Variants in NOMO1 observed in about 807,000 individuals in gnomAD.
NOMO1 encodes nodal modulator 3.
NOMO1 carries 40 observed loss-of-function variants against 133.8 expected under a neutral mutation model. That is an observed-to-expected ratio of 0.30 (90% CI 0.23 to 0.39). The LOEUF (loss-of-function observed/expected upper bound fraction) is 0.39. Among genes scored for constraint, NOMO1 ranks in the 10% least tolerant of loss-of-function variants. The pLI, the probability that NOMO1 is intolerant of heterozygous loss-of-function variation, is 1.00. For synonymous variants in NOMO1, 236 were observed against 570.5 expected, an observed-to-expected ratio of 0.41 and a Z score of 8.36; for missense variants, 462 against 1,419.9, an observed-to-expected ratio of 0.33 and a Z score of 10.84.
At chr16:14,880,412 A>G (rs1396562604) in intron 24 of NOMO1, among the ~76,000 whole-genome samples, 6 of 151,634 alleles carry the variant, frequency 4.0e-5, no homozygotes, top group Admixed American at 3.3e-4. Context: ...ATTTTTTGAG[A>G]CGGGGTTTCA....
chr16:14,837,454 G>A (rs1227685424), intron 1 of NOMO1, among the ~76,000 whole-genome samples: 1 of 152,126 alleles, frequency 6.6e-6, no homozygotes, highest in Non-Finnish European at 1.5e-5. Context: ...CACGCAACAC[G>A]TGGAAGACTC....
chr16:14,868,406 G>C (rs1481313745), intron 15 of NOMO1, 142 bp from the exon 16 acceptor site: 2 of 594,808 alleles, frequency 3.4e-6, no homozygotes, highest in East Asian at 5.6e-5. Context: ...AGTTTTGGGA[G>C]GTTTTTAATT....
chr16:14,841,736 G>T (rs548749008), intron 3 of NOMO1, among the ~76,000 whole-genome samples: 1 of 151,868 alleles, frequency 6.6e-6, no homozygotes, highest in South Asian at 2.1e-4. Context: ...TCCCAGGATG[G>T]CTTCTTTTTT....
intron 18 of NOMO1, among the ~76,000 whole-genome samples, chr16:14,874,060 C>T (rs1241912683): frequency 2.3e-5 from 1 of 44,242 alleles, no homozygotes; most frequent in Admixed American, 3.6e-4. Flanking sequence ...TAGCAGCTTC[C>T]CAGCTGGGCT....
intron 9 of NOMO1, among the ~76,000 whole-genome samples, chr16:14,855,472 A>G (rs973085164): frequency 6.6e-6 from 1 of 151,808 alleles, no homozygotes; most frequent in African/African-American, 2.4e-5. Context: ...ACTTTCTTTT[A>G]ATATTACATT....
At chr16:14,867,213 A>T (rs1964016581) in intron 15 of NOMO1, among the ~76,000 whole-genome samples, 3 of 33,770 alleles carry the variant, frequency 8.9e-5, no homozygotes, top group Non-Finnish European at 1.8e-4. Flanking sequence ...TTTGAGATGG[A>T]GTCTTGCTCT....
intron 2 of NOMO1, among the ~76,000 whole-genome samples, chr16:14,839,972 T>C (rs2151892101): frequency 6.9e-6 from 1 of 144,436 alleles, no homozygotes; most frequent in African/African-American, 2.6e-5. Context: ...TTTGAACTCC[T>C]GACCTCAGGT....
chr16:14,858,513 A>G (rs1474317874), intron 11 of NOMO1, among the ~76,000 whole-genome samples: 8 of 151,622 alleles, frequency 5.3e-5, no homozygotes, highest in Non-Finnish European at 1.2e-4. Context: ...GTAGCTTAGA[A>G]GGAGACTGCA....
At chr16:14,861,152 T>TA (rs1249941636) in intron 11 of NOMO1, among the ~76,000 whole-genome samples, 1 of 138,014 alleles carries the variant, frequency 7.2e-6, no homozygotes, top group African/African-American at 2.8e-5. Flanking sequence ...TAAAGTAAAA[T>TA]AAAAAAATTA....
intron 4 of NOMO1, among the ~76,000 whole-genome samples, 158 bp downstream of exon 4, chr16:14,844,932 G>A (rs1016387818): frequency 8.5e-5 from 13 of 152,054 alleles, no homozygotes; most frequent in African/African-American, 2.7e-4. Flanking sequence ...TACTTCATCC[G>A]TGTAGAACGC....
chr16:14,839,844 T>C (rs1240123241), intron 2 of NOMO1, among the ~76,000 whole-genome samples: 1 of 150,612 alleles, frequency 6.6e-6, no homozygotes, highest in East Asian at 2.0e-4. Context: ...TGGGTTCCAG[T>C]GATTCTTCTG....
At chr16:14,845,394 C>T (rs1963664786) in intron 4 of NOMO1, among the ~76,000 whole-genome samples, 1 of 151,962 alleles carries the variant, frequency 6.6e-6, no homozygotes, top group African/African-American at 2.4e-5. Flanking sequence ...TGGAAGGACG[C>T]ACTCTCTAAG....
At position 14,875,091 on chromosome 16, in the gene NOMO1, G is replaced by A. The variant is rs1170487415; in HGVS notation, c.2110G>A (p.Glu704Lys). 1.9e-6 allele frequency: 3 copies of A among 1,613,784 alleles called. No homozygotes were observed. Among genetic ancestry groups the A allele is most frequent in the Non-Finnish European group, 2.5e-6 (3 of 1,179,810 alleles). The change falls in exon 19 of 31, where the codon GAG becomes AAG. Residue 704 changes from glutamate to lysine, a missense_variant. Glu to Lys is a moderately conservative substitution (Grantham distance 56). Transcript: ENST00000287667. ...CTTAGGCCCTCTGAAGTCTGTGCAG[G>A]AGCTGCGGAGGGAGCAGCAGCTGGC... Reference protein sequence around the residue: ...LVLGPLKSVQELRREQQLAEI... With the variant: ...LVLGPLKSVQKLRREQQLAEI...
rs2151896691 is a variant in NOMO1 at position 14,857,303 on chromosome 16, C to G, written c.1050C>G (p.Thr350=). The stretch of plus-strand genomic sequence containing the variant: ...ATGGTGTTCCAGAAGCAGTAGTCAC[C>G]CTGAATAACCAAATCAAAGGTGGGC... ...EGDGVPEAVV[T]LNNQIKVKTK... The change falls in exon 10 of 31, where the codon ACC becomes ACG. Residue 350 remains threonine (T), a synonymous_variant. Coordinates refer to ENST00000287667, the MANE Select transcript of NOMO1 (RefSeq NM_014287.4). 6.3e-7 allele frequency: 1 copy of G among 1,591,930 alleles called. No individual in the cohort carries two copies. Among genetic ancestry groups the G allele is most frequent in the South Asian group, 1.1e-5 (1 of 90,288 alleles).
chr16:14,857,126 G>A (rs1192399322), intron 9 of NOMO1, 91 bp from the exon 10 acceptor site: 32 of 1,573,362 alleles, frequency 2.0e-5, no homozygotes, highest in Non-Finnish European at 2.7e-5. Flanking sequence ...GAGCAGACAT[G>A]GTAGGTGGTG....
chr16:14,864,766 G>C, intron 13 of NOMO1, 40 bp downstream of exon 13: 1 of 1,613,590 alleles, frequency 6.2e-7, no homozygotes, highest in Non-Finnish European at 8.5e-7. Context: ...TAGTTTCAAA[G>C]AAGTCAGCCG....
intron 15 of NOMO1, among the ~76,000 whole-genome samples, chr16:14,867,856 G>C (rs1161568527): frequency 2.1e-5 from 3 of 142,974 alleles, no homozygotes; most frequent in African/African-American, 7.6e-5. Flanking sequence ...TTCCCTTCCA[G>C]CAGTGGAGTG....
chr16:14,838,269 A>G, intron 1 of NOMO1, 138 bp from the exon 2 acceptor site: 1 of 807,590 alleles, frequency 1.2e-6, no homozygotes, highest in Non-Finnish European at 2.0e-6. Context: ...CTCTGTCCCC[A>G]GTAATGCCCC....
intron 14 of NOMO1, among the ~76,000 whole-genome samples, chr16:14,866,240 A>G (rs1483670818): frequency 1.3e-5 from 2 of 148,516 alleles, no homozygotes; most frequent in Non-Finnish European, 1.5e-5. Context: ...TTGTATTTTT[A>G]GTAGAGATGG....
Sources: gnomAD v4.1 joint callset for allele counts (sites outside exome capture counted in the v4.1 genomes callset) on GRCh38, gnomAD v4.1.1 for gene constraint, MANE v1.5 for transcripts, NCBI Gene and HGNC (gene_info 2026-07-23, HGNC 2026-07-21) for gene names.